Variants in SEC14L3 observed in about 807,000 individuals in gnomAD.
SEC14L3 encodes the protein SEC14-like protein 3.
Under a neutral mutation model 57.4 loss-of-function variants are expected in SEC14L3, and 56 were observed. The ratio of observed to expected loss-of-function variants is 0.97; its 90% confidence interval spans 0.79 to 1.22. SEC14L3 has a LOEUF of 1.22. Ranked by LOEUF, SEC14L3 falls within the 50% of genes most tolerant of loss-of-function variation. The pLI is 0.00. For synonymous variants in SEC14L3, 173 were observed against 194.4 expected, an observed-to-expected ratio of 0.89 and a Z score of 0.92; for missense variants, 485 against 511.7, an observed-to-expected ratio of 0.95 and a Z score of 0.50.
intron 8 of SEC14L3, among the ~76,000 whole-genome samples, chr22:30,464,362 AAGGTAACACTCTTT>A (rs1935351950): frequency 6.6e-6 from 1 of 152,202 alleles, no homozygotes; most frequent in Non-Finnish European, 1.5e-5. Flanking sequence ...GAAAAGAGCA[AAGGTAACACTCTTT>A]AGGGTAAAAC....
At chr22:30,454,593 T>TATATAATCTATAATATTATTAG (rs1569225049), downstream of SEC14L3, among the ~76,000 whole-genome samples, 1 of 89,648 alleles carries the variant, frequency 1.1e-5, no homozygotes, top group Non-Finnish European at 1.9e-5. Flanking sequence ...AATATTATTA[T>TATATAATCTATAATATTATTAG]ATATAATCTA....
chr22:30,452,007 A>AG (rs1934993262), intron 12 of SEC14L3, among the ~76,000 whole-genome samples: 3 of 139,952 alleles, frequency 2.1e-5, no homozygotes, highest in South Asian at 2.2e-4. Context: ...AAAAAAAAAA[A>AG]AAGAAAAAAG....
intron 8 of SEC14L3, among the ~76,000 whole-genome samples, chr22:30,464,490 G>A (rs1390571788): frequency 6.6e-6 from 1 of 152,160 alleles, no homozygotes; most frequent in African/African-American, 2.4e-5. Flanking sequence ...GAGTGCAGTG[G>A]TGTGAACACG....
chr22:30,454,786 T>TAA, downstream of SEC14L3, among the ~76,000 whole-genome samples: 7 of 75,750 alleles, frequency 9.2e-5, no homozygotes, highest in African/African-American at 2.3e-4. Context: ...TTATTATATA[T>TAA]TATATATTAT....
intron 12 of SEC14L3, among the ~76,000 whole-genome samples, chr22:30,452,979 A>G (rs1018759553): frequency 6.6e-6 from 1 of 152,016 alleles, no homozygotes; most frequent in African/African-American, 2.4e-5. Flanking sequence ...CGGCCTCCCA[A>G]AATGTTGGGA....
At position 30,468,577 on chromosome 22, in the gene SEC14L3, CT is replaced by C. The variant is rs1157981248; in HGVS notation, c.353del (p.Gln118ArgfsTer8). 1 of 1,613,992 alleles carries C rather than the reference CT, an allele frequency of 6.2e-7. No homozygotes were observed. The highest frequency in any genetic ancestry group is 2.2e-5 in the East Asian group (1 of 44,842). ...CCCTCATCTTGGTCTTGAGCAGGTC[CT>C]GCTTGGTGACTGAGAAGAGCAACCC... ...PKGLLFSVTK[Q>X]DLLKTKMRDC... On this transcript the variant is annotated frameshift_variant, in exon 5 of 12. Transcript: ENST00000215812. LOFTEE classifies it high-confidence loss of function.
Position 30,461,674 on chromosome 22 carries a change from G to A in SEC14L3, c.792C>T (p.Ile264=), listed in dbSNP as rs747173584. ...CLTKINYGGE[I]PKSMYVRDQV... The stretch of plus-strand genomic sequence containing the variant: ...GGTCCCGCACGTACATGGACTTGGG[G>A]ATCTCCCCGCCATAGTTAATCTGCG... The change falls in exon 10 of 12, where the codon ATC becomes ATT. Residue 264 remains isoleucine, a synonymous_variant. Coordinates refer to ENST00000215812, the MANE Select transcript of SEC14L3 (RefSeq NM_174975.5). The A allele has an allele frequency of 6.2e-7, 1 of 1,601,138 alleles. No individual in the cohort carries two copies. The highest frequency in any genetic ancestry group is 8.5e-7 in the Non-Finnish European group (1 of 1,171,186).
At chr22:30,461,939 G>A (rs1467880609) in intron 9 of SEC14L3, 147 bp downstream of exon 9, 2 of 1,014,858 alleles carry the variant, frequency 2.0e-6, no homozygotes, top group African/African-American at 3.2e-5. Context: ...GCTGCTGAGA[G>A]CTCTGTAAGG....
intron 11 of SEC14L3, among the ~76,000 whole-genome samples, chr22:30,460,812 G>A (rs1412170399): frequency 1.6e-5 from 2 of 122,814 alleles, no homozygotes; most frequent in Non-Finnish European, 3.2e-5. Context: ...TGGACAACAA[G>A]AGTGAAACTC....
In SEC14L3 at chr22:30,468,680, A is replaced by T; in HGVS notation, c.251T>A (p.Met84Lys). 1 of 1,613,756 alleles carries T rather than the reference A, an allele frequency of 6.2e-7. No individual in the cohort carries two copies. Among genetic ancestry groups the T allele is most frequent in the Non-Finnish European group, 8.5e-7 (1 of 1,179,710 alleles). ...WQPPEVIQKY[M>K]PGGLCGYDRD... The stretch of plus-strand genomic sequence containing the variant: ...GTCATAGCCACACAGGCCCCCAGGC[A>T]TGTACTTCTGGATCACCTGGGCATG... Residue 84 changes from methionine (M) to lysine (K), a missense_variant, in exon 5 of 12, where the codon ATG becomes AAG. Met to Lys is a moderately conservative substitution (Grantham distance 95). Coordinates refer to ENST00000215812, the MANE Select transcript of SEC14L3 (RefSeq NM_174975.5).
At position 30,450,985 on chromosome 22, in the gene SEC14L3, G is replaced by T. The variant is rs370496037; in HGVS notation, c.905-1741C>A. Among the ~76,000 whole-genome samples, 27 of 152,366 alleles carry T rather than the reference G, an allele frequency of 1.8e-4. No homozygotes were observed. In the East Asian group the frequency reaches 2.7e-3, roughly 15 times the overall value. On this transcript the variant is annotated intron_variant, in intron 12 of 12. Transcript: ENST00000403066. ...GGCAGGCCCCTTGCCCGGGCAGAAT[G>T]TTGTCCCCAACCCTCCTGACTGGGC... is the stretch of plus-strand genomic sequence containing the variant.
At chr22:30,461,721 G>C (rs374070085) in intron 9 of SEC14L3, 27 bp from the exon 10 acceptor site, 27 of 1,600,514 alleles carry the variant, frequency 1.7e-5, no homozygotes, top group Non-Finnish European at 1.7e-6. Flanking sequence ...AGATGGGCTT[G>C]CTTCCGTCTC....
intron 8 of SEC14L3, among the ~76,000 whole-genome samples, chr22:30,463,683 T>G (rs1014399215): frequency 6.6e-6 from 1 of 152,234 alleles, no homozygotes; most frequent in African/African-American, 2.4e-5. Flanking sequence ...CTCCTAATTC[T>G]GTGATCTGAC....
At chr22:30,456,315 A>C (rs572056073), downstream of SEC14L3, among the ~76,000 whole-genome samples, 2,317 of 151,262 alleles carry the variant, frequency 0.015, 38 homozygotes, top group Middle Eastern at 0.038. Context: ...AAAAAAAAAA[A>C]AAACAAACAC....
chr22:30,459,068 G>C (rs925194129), downstream of SEC14L3, among the ~76,000 whole-genome samples: 2 of 152,044 alleles, frequency 1.3e-5, no homozygotes, highest in African/African-American at 4.8e-5. Flanking sequence ...CCAGGTCCTG[G>C]ATCTGCCACC....
chr22:30,454,542 A>ATTATTATATATAATCTATAATG (rs1935047974), downstream of SEC14L3, among the ~76,000 whole-genome samples: 1 of 124,602 alleles, frequency 8.0e-6, no homozygotes, highest in Non-Finnish European at 1.6e-5. Context: ...CTATAATAAT[A>ATTATTATATATAATCTATAATG]TTATATATAA....
downstream of SEC14L3, among the ~76,000 whole-genome samples, chr22:30,454,944 T>TTATTATA (rs1556005768): frequency 3.7e-3 from 130 of 34,814 alleles, no homozygotes; most frequent in Non-Finnish European, 5.1e-3. Flanking sequence ...ATATAATATA[T>TTATTATA]TATTATATAT....
chr22:30,466,810 C>T (rs752068464), intron 6 of SEC14L3, among the ~76,000 whole-genome samples, 172 bp downstream of exon 6: 7 of 152,082 alleles, frequency 4.6e-5, no homozygotes, highest in Non-Finnish European at 7.4e-5. Context: ...CCCTGAAACC[C>T]ATTCTGTGGG....
chr22:30,461,607 C>T lies in SEC14L3; in HGVS notation c.859G>A (p.Gly287Ser), dbSNP rs374969373. ...TCGTATTCCACTTGGTGTGATGAGC[C>T]GCGGTTGATCTGCACCGAGTGCTCG... ...QYEHSVQINR[G>S]SSHQVEYEIL... Residue 287 changes from glycine to serine, a missense_variant, in exon 10 of 12, where the codon GGC becomes AGC. Gly to Ser is a moderately conservative substitution (Grantham distance 56, BLOSUM62 0). Transcript: ENST00000215812. 56 of 1,614,020 alleles carry T rather than the reference C, an allele frequency of 3.5e-5. No homozygotes were observed. Among genetic ancestry groups the T allele is most frequent in the African/African-American group, 4.0e-5 (3 of 74,972 alleles).
Sources: allele counts gnomAD v4.1 joint callset (sites outside exome capture counted in the v4.1 genomes callset), GRCh38; gene constraint gnomAD v4.1.1; transcripts MANE v1.5; gene names NCBI Gene and HGNC (gene_info 2026-07-23, HGNC 2026-07-21).